The following GLB1L3 variants were observed in gnomAD, a reference collection of about 807,000 sequenced individuals.
The protein encoded by GLB1L3 is beta-galactosidase-1-like protein 3.
A neutral mutation model predicts 89.5 loss-of-function variants in GLB1L3; 89 were observed. The ratio of observed to expected loss-of-function variants is 0.99; its 90% confidence interval spans 0.84 to 1.19. The LOEUF is 1.19. GLB1L3 is among the 50% of genes most tolerant of loss of function. The probability of loss-of-function intolerance (pLI) is 0.00; values close to 1 mark genes in which losing one functional copy is unlikely to be tolerated. For synonymous variants in GLB1L3, 314 were observed against 312.3 expected, an observed-to-expected ratio of 1.01 and a Z score of -0.06; for missense variants, 812 against 813.3, an observed-to-expected ratio of 1.00 and a Z score of 0.02.
At chr11:134,282,749 T>C (rs1423396718) in intron 5 of GLB1L3, among the ~76,000 whole-genome samples, 3 of 152,190 alleles carry the variant, frequency 2.0e-5, no homozygotes, top group Non-Finnish European at 4.4e-5. Context: ...GGGCAGGGCT[T>C]CCTGGGGAAT....
chr11:134,319,755 CG>C (rs1943136368), downstream of GLB1L3, among the ~76,000 whole-genome samples: 1 of 150,478 alleles, frequency 6.6e-6, no homozygotes, highest in Non-Finnish European at 1.5e-5. Context: ...TGTGCGCGCG[CG>C]CGTGCATGTG....
intron 7 of GLB1L3, among the ~76,000 whole-genome samples, chr11:134,291,574 A>G (rs978613153): frequency 4.6e-5 from 7 of 152,292 alleles, no homozygotes; most frequent in African/African-American, 1.4e-4. Flanking sequence ...GATTACTTCT[A>G]ATACCCAATA....
At chr11:134,281,089 C>T (rs1363560638) in intron 3 of GLB1L3, among the ~76,000 whole-genome samples, 2 of 152,126 alleles carry the variant, frequency 1.3e-5, no homozygotes, top group African/African-American at 2.4e-5. Flanking sequence ...TTAATTTATA[C>T]TTTTAATGAG....
rs1035594243 is a variant in GLB1L3 at position 134,296,731 on chromosome 11, T to C, written c.876+3522T>C. The stretch of plus-strand genomic sequence containing the variant: ...GGGGGAGGGATAGCACTGGGAGATA[T>C]ACCTAATGTAAATGACAAGTTAATG... On this transcript the variant is annotated intron_variant, in intron 9 of 19. Coordinates refer to ENST00000431683, the MANE Select transcript of GLB1L3 (RefSeq NM_001080407.3). Among the ~76,000 whole-genome samples, 8 of 149,056 alleles carry C rather than the reference T, an allele frequency of 5.4e-5. No homozygotes were observed. In the East Asian group the frequency reaches 1.2e-3, roughly 23 times the overall value.
intron 3 of GLB1L3, 38 bp downstream of exon 3, chr11:134,277,950 C>T (rs754620654): frequency 4.4e-6 from 7 of 1,600,144 alleles, no homozygotes; most frequent in Non-Finnish European, 6.0e-6. Context: ...TCTCGTTACC[C>T]TACAAGTGCA....
At chr11:134,308,571 C>T (rs1420605410) in intron 10 of GLB1L3, among the ~76,000 whole-genome samples, 11 of 122,728 alleles carry the variant, frequency 9.0e-5, no homozygotes, top group South Asian at 2.5e-4. Context: ...ACCACCACCA[C>T]CATCACCATC....
In GLB1L3 at chr11:134,277,386, T is replaced by A. The variant is rs758640988; in HGVS notation, c.84T>A (p.Gly28=). The change falls in exon 2 of 20, where the codon GGT becomes GGA. Residue 28 remains glycine, a synonymous_variant. Transcript: ENST00000431683. ...GIFFLPFISS[G]FAPRFKQEEN... is the part of the protein sequence containing the mutation. ...TTTTCCTGCCATTTATCTCATCAGG[T>A]TTTGCTCCTCGGTTTAAGCAGGAAG... The A allele has an allele frequency of 6.2e-7, 1 of 1,613,878 alleles. No individual in the cohort carries two copies. The highest frequency in any genetic ancestry group is 8.5e-7 in the Non-Finnish European group (1 of 1,179,866).
rs531525435 is a variant in GLB1L3, at chr11:134,283,756, C to T, written c.547C>T (p.Arg183Trp). ...GLPSWLLQDP[R>W]LLLRTTNKSF... Reference sequence around the variant, plus strand: ...CCCCAGCTGGCTCCTGCAAGACCCCCGGTTACTGTTGAGGACAACCAACAA... The same window carrying T: ...CCCCAGCTGGCTCCTGCAAGACCCCTGGTTACTGTTGAGGACAACCAACAA... The change falls in exon 6 of 20, where the codon CGG becomes TGG. Residue 183 changes from arginine (R) to tryptophan (W), a missense_variant. By Grantham distance (101) the Arg-to-Trp change is moderately radical. Coordinates refer to ENST00000431683, the MANE Select transcript of GLB1L3 (RefSeq NM_001080407.3). 22 of 1,611,852 alleles carry T rather than the reference C, an allele frequency of 1.4e-5. No individual in the cohort carries two copies. The highest frequency in any genetic ancestry group is 2.7e-5 in the African/African-American group (2 of 74,968).
intron 3 of GLB1L3, among the ~76,000 whole-genome samples, chr11:134,279,364 C>CTTTTTTTTTTTTTTTTTTTTTTTTTTTT (rs10577769): frequency 3.4e-4 from 37 of 108,324 alleles, no homozygotes; most frequent in Non-Finnish European, 5.2e-4. Flanking sequence ...TTTTCTTTTT[C>CTTTTTTTTTTTTTTTTTTTTTTTTTTTT]TTTTTTTTTT....
At chr11:134,320,241 G>C (rs778447718), downstream of GLB1L3, among the ~76,000 whole-genome samples, 2 of 152,124 alleles carry the variant, frequency 1.3e-5, no homozygotes, top group Non-Finnish European at 2.9e-5. Context: ...AGAACCCTCT[G>C]TTTGGATTGG....
rs1565412226 is a variant in GLB1L3, at chr11:134,308,196, TCAC to T, written c.961+992_961+994del. Among the ~76,000 whole-genome samples, 17 of 68,874 alleles carry T rather than the reference TCAC, an allele frequency of 2.5e-4. No homozygotes were observed. In the East Asian group the frequency reaches 8.6e-3, roughly 35 times the overall value. 45.2% of individuals were successfully genotyped at this position (68,874 alleles called of 152,430 possible). On this transcript the variant is annotated intron_variant, in intron 10 of 19. Coordinates refer to ENST00000431683, the MANE Select transcript of GLB1L3 (RefSeq NM_001080407.3). ...ACCACCACCATCACCATCATCACCA[TCAC>T]CACTACCACCACCACCATCACCATC...
rs1247123671 is a variant in GLB1L3 at position 134,276,563 on chromosome 11, G to A, written c.-178G>A. ...GGAGGGAGCCCGACGCGCATCCTTG[G>A]GACCCGGACCCGGCGCCCGCGCCTC... On this transcript the variant is annotated 5_prime_UTR_variant, in exon 1 of 20. Coordinates refer to ENST00000431683, the MANE Select transcript of GLB1L3 (RefSeq NM_001080407.3). 1.5e-5 allele frequency: 7 copies of A among 481,986 alleles called. No homozygotes were observed. Among genetic ancestry groups the A allele is most frequent in the Non-Finnish European group, 2.3e-5 (7 of 305,698 alleles). The allele number at this position is 481,986 out of a possible 1,614,324, so 29.9% of individuals were successfully genotyped here. A position where few individuals can be genotyped will look rare whatever the true frequency, so the allele number is the denominator to read the frequency against.
At chr11:134,324,622 A>G in the GLB1L3 span, among the ~76,000 whole-genome samples, 17 of 152,306 alleles carry the variant, frequency 1.1e-4, no homozygotes, top group South Asian at 3.5e-3. Flanking sequence ...GTCTGAGCTG[A>G]AAATGATTTA....
intron 9 of GLB1L3, among the ~76,000 whole-genome samples, chr11:134,301,853 G>C (rs1404251743): frequency 6.6e-6 from 1 of 152,052 alleles, no homozygotes; most frequent in Non-Finnish European, 1.5e-5. Context: ...AGTATGTTTA[G>C]AAGTTAATTT....
At chr11:134,296,149 C>T (rs1272081886) in intron 9 of GLB1L3, among the ~76,000 whole-genome samples, 1 of 151,714 alleles carries the variant, frequency 6.6e-6, no homozygotes, top group Non-Finnish European at 1.5e-5. Flanking sequence ...GAGATACCAT[C>T]TCACACCAGT....
rs191566995 is a variant in GLB1L3, at chr11:134,301,031, C to T, written c.877-6093C>T. Among the ~76,000 whole-genome samples the T allele has an allele frequency of 1.2e-4, 19 of 152,346 alleles. No homozygotes were observed. In the East Asian group the frequency reaches 3.5e-3, roughly 28 times the overall value. ...AAAGCCAGCATCAGGGTGTCAGCCG[C>T]CATCCGTCTCGGCTCCCTTGACTTC... On this transcript the variant is annotated intron_variant, in intron 9 of 19. Coordinates refer to ENST00000431683, the MANE Select transcript of GLB1L3 (RefSeq NM_001080407.3).
intron 10 of GLB1L3, among the ~76,000 whole-genome samples, chr11:134,308,203 T>TACCACCACC (rs1356980088): frequency 2.0e-4 from 6 of 30,686 alleles, no homozygotes; most frequent in African/African-American, 6.6e-4. Context: ...CCATCACCAC[T>TACCACCACC]ACCACCACCA....
intron 10 of GLB1L3, among the ~76,000 whole-genome samples, chr11:134,308,514 CCACCAT>C (rs1942498362): frequency 7.9e-5 from 8 of 100,876 alleles, no homozygotes; most frequent in African/African-American, 2.5e-4. Context: ...ACCACCACCA[CCACCAT>C]GTCCACCACC....
chr11:134,305,291 T>A, intron 9 of GLB1L3: 1 of 668,188 alleles, frequency 1.5e-6, no homozygotes, highest in Non-Finnish European at 2.7e-6. Context: ...TAACTGATAA[T>A]AAATGGTTGG....
Sources: gnomAD v4.1 joint callset for allele counts (sites outside exome capture counted in the v4.1 genomes callset) on GRCh38, gnomAD v4.1.1 for gene constraint, MANE v1.5 for transcripts, NCBI Gene and HGNC (gene_info 2026-07-23, HGNC 2026-07-21) for gene names.